NRK: variants seen among roughly 807,000 people sequenced by gnomAD.
The protein encoded by NRK is Nik related kinase.
In NRK, 67 loss-of-function variants were observed where a neutral mutation model predicts 125.2. That is an observed-to-expected ratio of 0.54 (90% CI 0.44 to 0.66). NRK has a LOEUF of 0.66. NRK is among the 30% of genes least tolerant of loss of function. NRK has a pLI of 0.00. For missense variants in NRK, 1,224 were observed against 1,192.9 expected (o/e 1.03, Z -0.38); for synonymous variants, 458 against 429.0 (o/e 1.07, Z -0.84).
intron 1 of NRK, among the ~76,000 whole-genome samples, chrX:105,829,193 A>C (rs1056205882): frequency 8.9e-6 from 1 of 112,131 alleles, no homozygotes; most frequent in Non-Finnish European, 1.9e-5. Context: ...GCTAAAATTC[A>C]AGTCTTCTGA....
chrX:105,882,341 A>C lies in NRK; in HGVS notation c.252+562A>C, dbSNP rs376068528. 4.6e-5 allele frequency among the ~76,000 whole-genome samples: 5 copies of C among 109,883 alleles called. No individual in the cohort carries two copies. The East Asian group carries it at 8.7e-4, about 19-fold the overall frequency. On this transcript the variant is annotated intron_variant, in intron 4 of 28. Coordinates refer to ENST00000243300, the MANE Select transcript of NRK (RefSeq NM_198465.4). ...CTTCAGACATCTGGTACCATACTTG[A>C]ACACATGAAAGGATATGAACATGTT...
chrX:105,887,561 T>G, intron 4 of NRK, among the ~76,000 whole-genome samples: 1 of 112,189 alleles, frequency 8.9e-6, no homozygotes, highest in Non-Finnish European at 1.9e-5. Context: ...TTGACATGAC[T>G]GTTCATAGAA....
intron 3 of NRK, among the ~76,000 whole-genome samples, chrX:105,880,536 C>G (rs972038237): frequency 9.0e-6 from 1 of 110,941 alleles, no homozygotes; most frequent in East Asian, 2.8e-4. Flanking sequence ...GTACTCCTCT[C>G]TGTTTCTAGT....
At chrX:105,855,906 A>T (rs753903600) in intron 2 of NRK, among the ~76,000 whole-genome samples, 1 of 111,477 alleles carries the variant, frequency 9.0e-6, no homozygotes, top group African/African-American at 3.3e-5. Context: ...TTTTCCTGTA[A>T]GGAAAATAAT....
chrX:105,953,289 T>C, intron 28 of NRK, 116 bp downstream of exon 28: 1 of 561,762 alleles, frequency 1.8e-6, no homozygotes, highest in Non-Finnish European at 2.5e-6. Flanking sequence ...GTATATTTTT[T>C]CAAACTGGCA....
intron 5 of NRK, among the ~76,000 whole-genome samples, chrX:105,890,359 G>A (rs2040001705): frequency 9.0e-6 from 1 of 111,721 alleles, no homozygotes; most frequent in Non-Finnish European, 1.9e-5. Flanking sequence ...GTCCTTCTGA[G>A]CCCTCCAAAC....
chrX:105,888,829 A>T (rs1445284501), intron 5 of NRK, among the ~76,000 whole-genome samples: 1 of 110,884 alleles, frequency 9.0e-6, no homozygotes, highest in African/African-American at 3.3e-5. Context: ...CGTGGGAAAG[A>T]CCGGCCCCCA....
intron 2 of NRK, among the ~76,000 whole-genome samples, chrX:105,866,402 CT>C (rs1305753357): frequency 1.8e-5 from 2 of 110,863 alleles, no homozygotes; most frequent in African/African-American, 6.5e-5. Context: ...AGAGAATAAA[CT>C]AAAAAATAAT....
At chrX:105,850,413 C>A (rs2039457544) in intron 2 of NRK, among the ~76,000 whole-genome samples, 1 of 111,994 alleles carries the variant, frequency 8.9e-6, no homozygotes, top group African/African-American at 3.2e-5. Context: ...GACATTTTCC[C>A]CATTGTCTTG....
chrX:105,828,795 A>G (rs2039148719), intron 1 of NRK, among the ~76,000 whole-genome samples: 1 of 111,929 alleles, frequency 8.9e-6, no homozygotes, highest in Admixed American at 9.5e-5. Flanking sequence ...AACAAAAGTG[A>G]TATGCTTAAT....
At chrX:105,829,295 G>A (rs2039156050) in intron 1 of NRK, among the ~76,000 whole-genome samples, 2 of 111,920 alleles carry the variant, frequency 1.8e-5, no homozygotes, top group Admixed American at 9.5e-5. Context: ...CAAATATCAC[G>A]GCAGTTTTAA....
intron 4 of NRK, among the ~76,000 whole-genome samples, chrX:105,886,117 G>C (rs1234834177): frequency 9.1e-6 from 1 of 109,493 alleles, no homozygotes; most frequent in East Asian, 2.9e-4. Flanking sequence ...TAACCAGATG[G>C]CTCCAATTAT....
At chrX:105,933,214 AT>A (rs2040619471) in intron 19 of NRK, among the ~76,000 whole-genome samples, 2 of 102,281 alleles carry the variant, frequency 2.0e-5, no homozygotes, top group Admixed American at 2.2e-4. Flanking sequence ...CTATCTATCT[AT>A]CTTAATTAAA....
At chrX:105,832,080 C>G (rs186087010) in intron 2 of NRK, among the ~76,000 whole-genome samples, 1 of 111,389 alleles carries the variant, frequency 9.0e-6, no homozygotes, top group East Asian at 2.8e-4. Context: ...GCCCTGAAAC[C>G]AGTCCCCCAC....
intron 23 of NRK, 126 bp downstream of exon 23, chrX:105,940,158 C>G (rs1247955789): frequency 1.1e-5 from 5 of 469,085 alleles, no homozygotes. Flanking sequence ...CAGACGAGAT[C>G]AGGGACGTTC....
intron 2 of NRK, among the ~76,000 whole-genome samples, chrX:105,846,611 A>G (rs767087386): frequency 8.9e-6 from 1 of 111,743 alleles, no homozygotes; most frequent in African/African-American, 3.2e-5. Flanking sequence ...ATTGTTATTT[A>G]TGTCCTCTCT....
chrX:105,931,855 C>T (rs896964492), intron 19 of NRK, among the ~76,000 whole-genome samples: 17 of 111,691 alleles, frequency 1.5e-4, no homozygotes, highest in Non-Finnish European at 3.8e-5. Context: ...GTAAAATATG[C>T]ATATCATAAA....
intron 2 of NRK, among the ~76,000 whole-genome samples, chrX:105,842,628 G>A (rs1431534329): frequency 3.6e-5 from 4 of 111,715 alleles, no homozygotes; most frequent in Admixed American, 9.5e-5. Flanking sequence ...ATTAAAATAT[G>A]TAAAACTTAG....
chrX:105,937,169 G>C (rs781371126), intron 21 of NRK, among the ~76,000 whole-genome samples: 4 of 109,586 alleles, frequency 3.7e-5, no homozygotes, highest in Non-Finnish European at 5.7e-5. Context: ...GTATTTCATT[G>C]AAATTTGTTC....
Sources: gnomAD v4.1 joint callset for allele counts (sites outside exome capture counted in the v4.1 genomes callset) on GRCh38, gnomAD v4.1.1 for gene constraint, MANE v1.5 for transcripts, NCBI Gene and HGNC (gene_info 2026-07-23, HGNC 2026-07-21) for gene names.